The following TAF5L variants were observed in gnomAD, a reference collection of about 807,000 sequenced individuals.
TAF5L encodes the protein TATA-box binding protein associated factor 5 like.
A neutral mutation model predicts 51.3 loss-of-function variants in TAF5L; 7 were observed. The ratio of observed to expected loss-of-function variants is 0.14; its 90% confidence interval spans 0.08 to 0.26. The LOEUF (loss-of-function observed/expected upper bound fraction) is 0.26, where lower values mean the gene tolerates loss of function less well. TAF5L is among the 10% of genes least tolerant of loss of function. The pLI is 1.00. For missense variants in TAF5L, 575 were observed against 758.9 expected (o/e 0.76, Z 2.85); for synonymous variants, 291 against 308.1 (o/e 0.94, Z 0.58).
At position 229,602,922 on chromosome 1, in the gene TAF5L, A is replaced by G. The variant is rs749413820; in HGVS notation, c.248-3T>C. The G allele has an allele frequency of 6.3e-7, 1 of 1,581,058 alleles. No homozygotes were observed. The highest frequency in any genetic ancestry group is 1.1e-5 in the South Asian group (1 of 87,986). ...GTGGCTATGCTGGGAATCAGAATCT[A>G]TAATGAAAGAAAAAGAAGGCTTTAT... On this transcript the variant is annotated splice_polypyrimidine_tract_variant and splice_region_variant and intron_variant, in intron 3 of 4. Coordinates refer to ENST00000258281, the Ensembl canonical transcript of TAF5L. The surrounding 1 kb of genome is among the most constrained non-coding windows in gnomAD (Gnocchi z 4.6).
intron 4 of TAF5L, among the ~76,000 whole-genome samples, chr1:229,597,568 G>C (rs1241035296): frequency 6.6e-6 from 1 of 152,210 alleles, no homozygotes; most frequent in Non-Finnish European, 1.5e-5. Flanking sequence ...CGGTCGAGCA[G>C]CTGATTTACA....
chr1:229,620,585 C>T (rs1178421415), intron 1 of TAF5L, among the ~76,000 whole-genome samples: 1 of 152,206 alleles, frequency 6.6e-6, no homozygotes, highest in Admixed American at 6.5e-5. Flanking sequence ...CTTTGAAACT[C>T]ATCATAAAAA....
At chr1:229,609,222 T>C (rs1204063044) in intron 3 of TAF5L, among the ~76,000 whole-genome samples, 1 of 152,208 alleles carries the variant, frequency 6.6e-6, no homozygotes, top group African/African-American at 2.4e-5. Context: ...ATATTCTGAC[T>C]CATGACAGTG....
chr1:229,600,096 A>G lies in TAF5L; in HGVS notation c.972+2099T>C, dbSNP rs553533027. 1.3e-5 allele frequency: 13 copies of G among 980,824 alleles called. No individual in the cohort carries two copies. The East Asian group carries it at 1.5e-3, about 112-fold the overall frequency. The allele number at this position is 980,824 out of a possible 1,614,324, so 60.8% of individuals were successfully genotyped here. A position where few individuals can be genotyped will look rare whatever the true frequency, so the allele number is the denominator to read the frequency against. ...CATTTCAAAATAATAGTCTGTTTTA[A>G]TTATGCATTCTATAAGGGAAAAAGA... On this transcript the variant is annotated intron_variant, in intron 4 of 4. Transcript: ENST00000258281.
intron 4 of TAF5L, chr1:229,601,443 T>A: frequency 1.0e-6 from 1 of 985,340 alleles, no homozygotes; most frequent in Non-Finnish European, 1.2e-6. Context: ...TGCTGTGAAG[T>A]TTAATTTCTA....
intron 4 of TAF5L, chr1:229,599,349 TACATTC>T (rs1350900903): frequency 2.9e-6 from 1 of 350,616 alleles, no homozygotes; most frequent in African/African-American, 2.2e-5. Flanking sequence ...TGATTTTTAG[TACATTC>T]ACAGAGTTGT....
chr1:229,593,236 G>C (rs1663981724), exon 5 of TAF5L: 4 of 152,162 alleles, frequency 2.6e-5, no homozygotes, highest in African/African-American at 9.7e-5. Context: ...AGCATAGTTT[G>C]ATATGCGTGC....
chr1:229,594,654 C>G lies in TAF5L; in HGVS notation c.1413G>C (p.Val471=). 1 of 1,614,198 alleles carries G rather than the reference C, an allele frequency of 6.2e-7. No individual in the cohort carries two copies. The highest frequency in any genetic ancestry group is 8.5e-7 in the Non-Finnish European group (1 of 1,180,048). ...CGTTGGGAGAAAAGGCGAGAGAAAG[C>G]ACGGGGCCACGGTGGCCTGTGAAAA... The change falls in exon 5 of 5, where the codon GTG becomes GTC. Residue 471 remains valine (V), a synonymous_variant. Coordinates refer to ENST00000258281, the Ensembl canonical transcript of TAF5L. The surrounding 1 kb of genome is among the most constrained non-coding windows in gnomAD (Gnocchi z 7.9).
intron 3 of TAF5L, among the ~76,000 whole-genome samples, chr1:229,605,108 G>GTACA (rs751531853): frequency 0.025 from 3,000 of 118,622 alleles, 34 homozygotes; most frequent in Non-Finnish European, 0.038. Flanking sequence ...ATTTTTGTAT[G>GTACA]TATATATATA....
rs1664273022 is a variant in TAF5L, at chr1:229,599,297, A to G, written c.972+2898T>C. On this transcript the variant is annotated intron_variant, in intron 4 of 4. Transcript: ENST00000258281. ...CCTGTTTTTTTTTTTAAACTGAGATATAATTACATACTATATAATTCTTTC... is the reference window on the plus strand; with the variant it reads ...CCTGTTTTTTTTTTTAAACTGAGATGTAATTACATACTATATAATTCTTTC... The G allele has an allele frequency of 6.5e-6, 4 of 619,256 alleles. No homozygotes were observed. The Admixed American group carries it at 2.5e-4, about 39-fold the overall frequency. The allele number at this position is 619,256 out of a possible 1,614,324, so 38.4% of individuals were successfully genotyped here. A position where few individuals can be genotyped will look rare whatever the true frequency, so the allele number is the denominator to read the frequency against.
chr1:229,614,589 C>G (rs1664905349), intron 1 of TAF5L, 104 bp from the exon 2 acceptor site: 1 of 1,460,238 alleles, frequency 6.8e-7, no homozygotes, highest in African/African-American at 1.4e-5. Context: ...GAGAGAAAGA[C>G]CAGCCATGTG....
At chr1:229,599,376 C>T (rs192144595) in intron 4 of TAF5L, 4 of 219,716 alleles carry the variant, frequency 1.8e-5, no homozygotes, top group African/African-American at 7.0e-5. Context: ...GCAATGATCA[C>T]CACTATCTAA....
At chr1:229,607,377 CT>C in intron 3 of TAF5L, 1 of 985,452 alleles carries the variant, frequency 1.0e-6, no homozygotes. Context: ...TTACAAACTG[CT>C]TTCAGACTAA....
chr1:229,602,593 T>A lies in TAF5L; in HGVS notation c.574A>T (p.Thr192Ser), dbSNP rs774152175. 1 of 1,614,150 alleles carries A rather than the reference T, an allele frequency of 6.2e-7. No homozygotes were observed. The highest frequency in any genetic ancestry group is 8.5e-7 in the Non-Finnish European group (1 of 1,180,014). ...TGCACGTCAAGATGAATATGTAAGG[T>A]GAGGACTTTGCACAGGGCAGTATTG... Residue 192 changes from threonine (T) to serine (S), a missense_variant, in exon 4 of 5, where the codon ACC (threonine) becomes TCC (serine). This residue lies in a region of TAF5L where 380 missense variants were observed against 443.7 expected (regional missense o/e 0.86). Transcript: ENST00000258281. This position sits in a 1 kb window ranked among gnomAD's most constrained non-coding sequence, Gnocchi z 4.6.
chr1:229,614,201 C>T (rs1285932684), intron 2 of TAF5L, 140 bp downstream of exon 2: 6 of 1,389,296 alleles, frequency 4.3e-6, no homozygotes, highest in African/African-American at 4.3e-5. Context: ...ACATCATTCA[C>T]TTAACGTAGC....
intron 3 of TAF5L, among the ~76,000 whole-genome samples, chr1:229,605,006 C>T (rs893058285): frequency 1.3e-5 from 2 of 152,072 alleles, no homozygotes; most frequent in African/African-American, 2.4e-5. Context: ...GGCGCGATCT[C>T]GGCTCATTGC....
At chr1:229,600,205 G>C in intron 4 of TAF5L, 1 of 985,406 alleles carries the variant, frequency 1.0e-6, no homozygotes, top group Non-Finnish European at 1.2e-6. Context: ...AATGCTTGTT[G>C]TCAGAAACCA....
intron 2 of TAF5L, among the ~76,000 whole-genome samples, chr1:229,613,198 G>A (rs1056655487): frequency 6.6e-6 from 1 of 151,222 alleles, no homozygotes; most frequent in Non-Finnish European, 1.5e-5. Context: ...CCAGGTGGTT[G>A]TGCATGACTG....
intron 1 of TAF5L, among the ~76,000 whole-genome samples, chr1:229,618,319 T>C (rs142040233): frequency 4.6e-5 from 7 of 152,240 alleles, no homozygotes; most frequent in Non-Finnish European, 7.3e-5. Flanking sequence ...TCAATTTATA[T>C]AAAATACTTA....
Sources: gnomAD v4.1 joint callset for allele counts (sites outside exome capture counted in the v4.1 genomes callset) on GRCh38, gnomAD v4.1.1 for gene constraint, gnomAD v4.1.1 regional missense constraint, Gnocchi (gnomAD v3.1) non-coding constraint, MANE v1.5 for transcripts, NCBI Gene and HGNC (gene_info 2026-07-23, HGNC 2026-07-21) for gene names.